The following CCDC172 variants were observed in gnomAD, a reference collection of about 807,000 sequenced individuals.
CCDC172 encodes coiled-coil domain containing 172.
A neutral mutation model predicts 38.0 loss-of-function variants in CCDC172; 30 were observed. The observed-to-expected ratio is 0.79, with a 90% CI of 0.59 to 1.07. The LOEUF is 1.07. Among genes scored for constraint, CCDC172 ranks in the 50% least tolerant of loss-of-function variants. The pLI is 0.00. For synonymous variants in CCDC172, 78 were observed against 88.3 expected, an observed-to-expected ratio of 0.88 and a Z score of 0.66; for missense variants, 297 against 290.1, an observed-to-expected ratio of 1.02 and a Z score of -0.17.
chr10:116,336,872 C>G (rs1311812641), intron 3 of CCDC172, among the ~76,000 whole-genome samples: 1 of 152,120 alleles, frequency 6.6e-6, no homozygotes, highest in Non-Finnish European at 1.5e-5. Context: ...TTAAGTTCTT[C>G]TGGCAGAAAA....
chr10:116,344,490 C>T (rs1017562364), intron 5 of CCDC172, among the ~76,000 whole-genome samples: 5 of 152,080 alleles, frequency 3.3e-5, no homozygotes, highest in Admixed American at 1.3e-4. Flanking sequence ...TTTTAAAAAT[C>T]TCTATAGGGC....
At chr10:116,365,476 T>G (rs1485746889) in intron 7 of CCDC172, among the ~76,000 whole-genome samples, 2 of 152,136 alleles carry the variant, frequency 1.3e-5, no homozygotes, top group Non-Finnish European at 2.9e-5. Flanking sequence ...GAAAAATAAA[T>G]TTATTAAAAA....
intron 3 of CCDC172, among the ~76,000 whole-genome samples, chr10:116,335,236 T>A (rs1844713965): frequency 6.6e-6 from 1 of 152,044 alleles, no homozygotes; most frequent in Non-Finnish European, 1.5e-5. Context: ...GAAAAATGAC[T>A]GTTGTCACCT....
chr10:116,341,035 A>G (rs1844787390), intron 4 of CCDC172, among the ~76,000 whole-genome samples, 185 bp downstream of exon 4: 1 of 152,038 alleles, frequency 6.6e-6, no homozygotes, highest in South Asian at 2.1e-4. Context: ...AAAGAAGTAT[A>G]TGGGCAGGGA....
intron 7 of CCDC172, among the ~76,000 whole-genome samples, chr10:116,370,368 G>T (rs753716412): frequency 3.3e-5 from 5 of 151,742 alleles, no homozygotes; most frequent in African/African-American, 9.7e-5. Flanking sequence ...GGGTATTCTT[G>T]TATATGCTGT....
At chr10:116,349,689 C>G (rs769255619) in intron 5 of CCDC172, among the ~76,000 whole-genome samples, 3 of 152,130 alleles carry the variant, frequency 2.0e-5, no homozygotes, top group Non-Finnish European at 4.4e-5. Context: ...TTCAGTAATA[C>G]TTGTGCACTT....
At chr10:116,344,600 A>G (rs1365449433) in intron 5 of CCDC172, among the ~76,000 whole-genome samples, 3 of 152,142 alleles carry the variant, frequency 2.0e-5, no homozygotes, top group Non-Finnish European at 2.9e-5. Context: ...GGCCTAGAAC[A>G]TTACTGTATG....
intron 4 of CCDC172, 107 bp from the exon 5 acceptor site, chr10:116,341,928 CT>C: frequency 1.3e-6 from 1 of 778,670 alleles, no homozygotes. Context: ...GGAAGTGTAA[CT>C]ATATACTTTC....
At chr10:116,340,600 T>C (rs1052967440) in intron 3 of CCDC172, 134 bp from the exon 4 acceptor site, 2 of 551,298 alleles carry the variant, frequency 3.6e-6, no homozygotes, top group Non-Finnish European at 6.4e-6. Context: ...AGATGTTTGA[T>C]GCTAATTTTA....
chr10:116,365,341 G>A (rs1845110829), intron 7 of CCDC172, among the ~76,000 whole-genome samples: 1 of 152,140 alleles, frequency 6.6e-6, no homozygotes, highest in African/African-American at 2.4e-5. Context: ...AACTAAAAGG[G>A]TGAGTGGTCA....
intron 5 of CCDC172, among the ~76,000 whole-genome samples, chr10:116,351,766 C>A (rs1422659621): frequency 6.6e-6 from 1 of 152,070 alleles, no homozygotes; most frequent in Non-Finnish European, 1.5e-5. Flanking sequence ...TGAGGTAAGC[C>A]CTAATTGCCC....
In CCDC172 at chr10:116,357,398, A is replaced by G. The variant is rs779931764; in HGVS notation, c.467A>G (p.His156Arg). 6.4e-7 allele frequency: 1 copy of G among 1,569,208 alleles called. No individual in the cohort carries two copies. Among genetic ancestry groups the G allele is most frequent in the Non-Finnish European group, 8.6e-7 (1 of 1,161,332 alleles). ...MLKSEMKSMEHDSSQLNELQK... is the reference protein window; with the variant it reads ...MLKSEMKSMERDSSQLNELQK... ...TTTCTAGAAATGAAGTCAATGGAAC[A>G]TGATAGTAGCCAGTTAAATGAACTT... Residue 156 changes from histidine to arginine, a missense_variant, in exon 6 of 9, where the codon CAT (histidine) becomes CGT (arginine). Coordinates refer to ENST00000333254, the MANE Select transcript of CCDC172 (RefSeq NM_198515.3).
intron 3 of CCDC172, among the ~76,000 whole-genome samples, chr10:116,326,070 T>C (rs927253163): frequency 6.6e-6 from 1 of 152,148 alleles, no homozygotes; most frequent in Non-Finnish European, 1.5e-5. Flanking sequence ...TATCTGGGAA[T>C]AGCAGAAAAC....
At position 116,357,903 on chromosome 10, in the gene CCDC172, CA is replaced by C; in HGVS notation, c.619del (p.Ser207ValfsTer11). The C allele has an allele frequency of 6.3e-7, 1 of 1,577,178 alleles. No homozygotes were observed. Among genetic ancestry groups the C allele is most frequent in the Non-Finnish European group, 8.6e-7 (1 of 1,162,054 alleles). On this transcript the variant is annotated frameshift_variant, in exon 7 of 9. Transcript: ENST00000333254. LOFTEE classifies it high-confidence loss of function. ...ATCTAGAGGCAGAAAAAATAAAAAT[CA>C]GTGAAAAGCCTCAAAATGATACAGA... ...KYLEAEKIKI[S>X]EKPQNDTECL...
At chr10:116,348,677 T>C (rs569712307) in intron 5 of CCDC172, among the ~76,000 whole-genome samples, 3 of 152,288 alleles carry the variant, frequency 2.0e-5, no homozygotes, top group South Asian at 2.1e-4. Context: ...TGTTTAAATA[T>C]GGCAAACCAA....
chr10:116,325,051 G>A lies in CCDC172; in HGVS notation c.40G>A (p.Glu14Lys), dbSNP rs781038484. The A allele has an allele frequency of 3.1e-6, 5 of 1,614,018 alleles. No individual in the cohort carries two copies. The highest frequency in any genetic ancestry group is 2.2e-5 in the South Asian group (2 of 91,078). ...ESLFQHIIFT[E>K]HQAEESRRLM... is the part of the protein sequence containing the mutation. ...CCTGTTTCAGCACATCATCTTCACC[G>A]AGCATCAGGCGGAGGAGAGTCGCCG... The change falls in exon 2 of 9, where the codon GAG becomes AAG. Residue 14 changes from glutamate to lysine, a missense_variant. Transcript: ENST00000333254.
intron 5 of CCDC172, among the ~76,000 whole-genome samples, chr10:116,353,752 G>T (rs1485338027): frequency 6.6e-6 from 1 of 152,094 alleles, no homozygotes; most frequent in African/African-American, 2.4e-5. Flanking sequence ...ACAAATGTAC[G>T]ATGTATTTTT....
At chr10:116,345,808 T>A (rs1290444072) in intron 5 of CCDC172, among the ~76,000 whole-genome samples, 1 of 152,124 alleles carries the variant, frequency 6.6e-6, no homozygotes, top group East Asian at 1.9e-4. Context: ...CAAACGTTGC[T>A]GAGAATGTGG....
Position 116,378,447 on chromosome 10 carries a change from T to A in CCDC172, c.678T>A (p.Tyr226Ter). The A allele has an allele frequency of 6.2e-7, 1 of 1,600,362 alleles. No individual in the cohort carries two copies. Among genetic ancestry groups the A allele is most frequent in the Non-Finnish European group, 8.5e-7 (1 of 1,175,318 alleles). Residue 226 changes from tyrosine (Y) to a stop codon, truncating the protein, a stop_gained, in exon 8 of 9, where the codon TAT becomes TAA. Transcript: ENST00000333254. LOFTEE classifies it high-confidence loss of function. ...CLRLKKELEL[Y>*]KEDDMESVYE... ...GACTTAAAAAAGAATTAGAACTTTA[T>A]AAGGAAGATGACATGGAAAGTGTTT...
Sources: gnomAD v4.1 joint callset for allele counts (sites outside exome capture counted in the v4.1 genomes callset) on GRCh38, gnomAD v4.1.1 for gene constraint, MANE v1.5 for transcripts, NCBI Gene and HGNC (gene_info 2026-07-23, HGNC 2026-07-21) for gene names.